The following FERMT2 variants were observed in gnomAD, a reference collection of about 807,000 sequenced individuals.
FERMT2 encodes the protein fermitin family homolog 2.
Under a neutral mutation model 82.7 loss-of-function variants are expected in FERMT2, and 15 were observed. The observed-to-expected ratio is 0.18, with a 90% CI of 0.12 to 0.28. The LOEUF (loss-of-function observed/expected upper bound fraction) is 0.28. Ranked by LOEUF, FERMT2 falls within the 10% of genes least tolerant of loss-of-function variation. The probability of loss-of-function intolerance (pLI) is 1.00; values close to 1 mark genes in which losing one functional copy is unlikely to be tolerated. For missense variants in FERMT2, 645 were observed against 809.4 expected, an observed-to-expected ratio of 0.80 and a Z score of 2.46; for synonymous variants, 274 against 271.5, an observed-to-expected ratio of 1.01 and a Z score of -0.09.
chr14:52,891,465 CAG>C (rs1886929838), intron 4 of FERMT2, among the ~76,000 whole-genome samples: 1 of 152,130 alleles, frequency 6.6e-6, no homozygotes, highest in Admixed American at 6.6e-5. Flanking sequence ...GTACATAAAA[CAG>C]AAAAGTTAGA....
chr14:52,858,946 A>G (rs1049527976), intron 14 of FERMT2: 4 of 166,082 alleles, frequency 2.4e-5, no homozygotes, highest in African/African-American at 7.2e-5. Context: ...TTTCAGAAAT[A>G]TAAGATTCTT....
intron 13 of FERMT2, 23 bp from the exon 14 acceptor site, chr14:52,859,737 G>C (rs375492748): frequency 6.9e-7 from 1 of 1,455,960 alleles, no homozygotes; most frequent in Non-Finnish European, 9.4e-7. Context: ...AGAAAAGAAC[G>C]GTTAAAAACA....
intron 2 of FERMT2, among the ~76,000 whole-genome samples, chr14:52,948,949 A>C (rs974915465): frequency 6.6e-6 from 1 of 152,216 alleles, no homozygotes; most frequent in Non-Finnish European, 1.5e-5. Flanking sequence ...TTTCCTTCTT[A>C]AATAATCTCA....
chr14:52,903,359 G>A (rs1471875847), intron 3 of FERMT2, among the ~76,000 whole-genome samples: 1 of 151,988 alleles, frequency 6.6e-6, no homozygotes, highest in Non-Finnish European at 1.5e-5. Flanking sequence ...GCAACATAGT[G>A]ATACCCCATC....
intron 3 of FERMT2, among the ~76,000 whole-genome samples, chr14:52,902,044 G>T (rs554256992): frequency 6.6e-6 from 1 of 151,730 alleles, no homozygotes; most frequent in African/African-American, 2.4e-5. Context: ...CGTGCTTAAT[G>T]AAGAGGCTGA....
intron 2 of FERMT2, among the ~76,000 whole-genome samples, chr14:52,927,592 T>TTAAAAAAAAA (rs1889350559): frequency 5.9e-5 from 2 of 33,714 alleles, no homozygotes; most frequent in South Asian, 2.6e-3. Flanking sequence ...CTCATCCCTA[T>TTAAAAAAAAA]AAAAAAAAAA....
rs61741989 is a variant in FERMT2, at chr14:52,950,440, G to C, written c.129C>G (p.Gly43=). 9.7e-3 allele frequency: 15,720 copies of C among 1,613,780 alleles called. 458 individuals are homozygous for C. The highest frequency in any genetic ancestry group is 0.085 in the Admixed American group (5,119 of 59,988). ...LRVTGEVHIG[G]VMLKLVEKLD... is the part of the protein sequence containing the mutation. ...GTTTCTCCACCAGCTTAAGCATCAC[G>C]CCTCCAATGTGCACCTCGCCGGTCA... is the stretch of plus-strand genomic sequence containing the variant. Residue 43 remains glycine, a synonymous_variant, in exon 2 of 15, where the codon GGC becomes GGG. Coordinates refer to ENST00000341590, the MANE Select transcript of FERMT2 (RefSeq NM_006832.3).
At chr14:52,925,175 C>G (rs1360894564) in intron 2 of FERMT2, among the ~76,000 whole-genome samples, 1 of 152,150 alleles carries the variant, frequency 6.6e-6, no homozygotes, top group Non-Finnish European at 1.5e-5. Context: ...ATTGTATACA[C>G]TGATGAAAAT....
At chr14:52,899,406 C>T (rs908420987) in intron 3 of FERMT2, among the ~76,000 whole-genome samples, 1 of 152,200 alleles carries the variant, frequency 6.6e-6, no homozygotes, top group Admixed American at 6.5e-5. Context: ...CCTCAGCCTC[C>T]GGAGTAGCTG....
At chr14:52,932,629 CT>C (rs1170088231) in intron 2 of FERMT2, among the ~76,000 whole-genome samples, 2 of 152,136 alleles carry the variant, frequency 1.3e-5, no homozygotes, top group East Asian at 3.8e-4. Context: ...CAATAATGTA[CT>C]CACTTTTGGT....
At chr14:52,879,010 A>G (rs1886140715) in intron 6 of FERMT2, among the ~76,000 whole-genome samples, 1 of 152,212 alleles carries the variant, frequency 6.6e-6, no homozygotes, top group Non-Finnish European at 1.5e-5. Flanking sequence ...AGCCTTTAAC[A>G]TAAGAAATCT....
intron 2 of FERMT2, among the ~76,000 whole-genome samples, chr14:52,926,149 A>AAAAAGGAAAATGGTTATCTAC (rs59388902): frequency 6.6e-6 from 1 of 151,932 alleles, no homozygotes; most frequent in Non-Finnish European, 1.5e-5. Context: ...TGATGACTTT[A>AAAAAGGAAAATGGTTATCTAC]AAATACTTAC....
At chr14:52,902,521 T>G (rs1887713167) in intron 3 of FERMT2, among the ~76,000 whole-genome samples, 1 of 151,902 alleles carries the variant, frequency 6.6e-6, no homozygotes, top group Admixed American at 6.6e-5. Context: ...AGTCCACAAA[T>G]CTTAAATATA....
chr14:52,867,631 A>G (rs1362938310), intron 10 of FERMT2, among the ~76,000 whole-genome samples: 1 of 152,152 alleles, frequency 6.6e-6, no homozygotes, highest in Non-Finnish European at 1.5e-5. Flanking sequence ...TTACCCTATC[A>G]GTATCTGTAG....
intron 3 of FERMT2, among the ~76,000 whole-genome samples, chr14:52,895,678 G>GTGACAGAAATATTCTGAATCT (rs1467285579): frequency 7.2e-5 from 11 of 152,146 alleles, no homozygotes; most frequent in Admixed American, 2.0e-4. Context: ...AGTTTGACAG[G>GTGACAGAAATATTCTGAATCT]TGACAGAAAT....
In FERMT2 at chr14:52,867,095, C is replaced by T. The variant is rs77026727; in HGVS notation, c.1274-2242G>A. 4.2e-3 allele frequency among the ~76,000 whole-genome samples: 641 copies of T among 151,338 alleles called. 3 individuals carry two copies. The highest frequency in any genetic ancestry group is 0.015 in the African/African-American group (602 of 41,078). ...GATAAAGTTCATTAAAAAGCTTTGC[C>T]TCCTTTTTTTTTTTTTTTTTAAATA... On this transcript the variant is annotated intron_variant, in intron 10 of 14. Coordinates refer to ENST00000341590, the MANE Select transcript of FERMT2 (RefSeq NM_006832.3).
Position 52,859,700 on chromosome 14 carries a change from T to A in FERMT2, c.1742A>T (p.Lys581Ile). 6.3e-7 allele frequency: 1 copy of A among 1,594,942 alleles called. No individual in the cohort carries two copies. Among genetic ancestry groups the A allele is most frequent in the Non-Finnish European group, 8.6e-7 (1 of 1,169,526 alleles). Residue 581 changes from lysine to isoleucine, a missense_variant, in exon 14 of 15, where the codon AAA (lysine) becomes ATA (isoleucine). Coordinates refer to ENST00000341590, the MANE Select transcript of FERMT2 (RefSeq NM_006832.3). ...TGCAATTCCAATAAGTTCTTCTTTT[T>A]TGCCCCCTTGGAACCTATAACATTT... Reference protein sequence around the residue: ...THFIARFQGGKKEELIGIAYN... With the variant: ...THFIARFQGGIKEELIGIAYN...
At chr14:52,932,080 T>C (rs894893220) in intron 2 of FERMT2, among the ~76,000 whole-genome samples, 2 of 152,238 alleles carry the variant, frequency 1.3e-5, no homozygotes, top group African/African-American at 4.8e-5. Flanking sequence ...ATAATCTCTT[T>C]GTTTTATAGA....
chr14:52,924,104 C>T (rs1208149684), intron 2 of FERMT2, among the ~76,000 whole-genome samples: 1 of 152,166 alleles, frequency 6.6e-6, no homozygotes, highest in Non-Finnish European at 1.5e-5. Context: ...ACCTGTTGAA[C>T]ATGTACTGTG....
Sources: gnomAD v4.1 joint callset for allele counts (sites outside exome capture counted in the v4.1 genomes callset) on GRCh38, gnomAD v4.1.1 for gene constraint, MANE v1.5 for transcripts, NCBI Gene and HGNC (gene_info 2026-07-23, HGNC 2026-07-21) for gene names.